The following NPAS2 variants were observed in gnomAD, a reference collection of about 807,000 sequenced individuals.
NPAS2 encodes neuronal PAS domain protein 2, also known as neuronal PAS domain-containing protein 2.
A neutral mutation model predicts 107.5 loss-of-function variants in NPAS2; 23 were observed. That is an observed-to-expected ratio of 0.21 (90% confidence interval 0.15 to 0.30). The LOEUF (loss-of-function observed/expected upper bound fraction) is 0.30, where lower values mean the gene tolerates loss of function less well. Ranked by LOEUF, NPAS2 falls within the 10% of genes least tolerant of loss-of-function variation. The probability of loss-of-function intolerance (pLI) is 1.00; values close to 1 mark genes in which losing one functional copy is unlikely to be tolerated. For missense variants in NPAS2, 756 were observed against 1,043.3 expected, an observed-to-expected ratio of 0.72 and a Z score of 3.79; for synonymous variants, 403 against 417.5, an observed-to-expected ratio of 0.97 and a Z score of 0.42.
chr2:100,942,582 T>C (rs932392935), intron 5 of NPAS2, among the ~76,000 whole-genome samples: 6 of 152,278 alleles, frequency 3.9e-5, no homozygotes, highest in Admixed American at 1.3e-4. Context: ...ATAAAACATA[T>C]GTTCAGTATT....
chr2:100,873,268 AAAAATACAT>A (rs1333688922), intron 1 of NPAS2, among the ~76,000 whole-genome samples: 82 of 99,514 alleles, frequency 8.2e-4, no homozygotes, highest in African/African-American at 4.1e-3. Flanking sequence ...AAAAAAAAAA[AAAAATACAT>A]ATATATATAT....
chr2:100,919,542 T>G (rs1326886453), intron 2 of NPAS2, among the ~76,000 whole-genome samples: 2 of 152,194 alleles, frequency 1.3e-5, no homozygotes, highest in Non-Finnish European at 2.9e-5. Context: ...TGGAGGAGCC[T>G]CACGGACCCT....
At chr2:100,932,486 A>T (rs1385152892) in intron 3 of NPAS2, among the ~76,000 whole-genome samples, 3 of 152,212 alleles carry the variant, frequency 2.0e-5, no homozygotes, top group Admixed American at 6.5e-5. Flanking sequence ...TGGAATTTTT[A>T]AAATCCCAGG....
intron 1 of NPAS2, among the ~76,000 whole-genome samples, chr2:100,846,682 ATTAG>A (rs1677800712): frequency 6.6e-6 from 1 of 152,232 alleles, no homozygotes; most frequent in Non-Finnish European, 1.5e-5. Flanking sequence ...AAAATGTCAT[ATTAG>A]TTGGTCCTTC....
chr2:100,954,033 G>C (rs181922773), intron 7 of NPAS2, among the ~76,000 whole-genome samples: 1 of 152,322 alleles, frequency 6.6e-6, no homozygotes, highest in East Asian at 1.9e-4. Flanking sequence ...GAGAAGCACC[G>C]GGGTTGGTCA....
At position 100,820,950 on chromosome 2, in the gene NPAS2, G is replaced by A. The variant is rs1249913245; in HGVS notation, c.-23+536G>A. 9 of 967,124 alleles carry A rather than the reference G, an allele frequency of 9.3e-6. No individual in the cohort carries two copies. Among genetic ancestry groups the A allele is most frequent in the Non-Finnish European group, 1.3e-5 (9 of 713,642 alleles). 59.9% of individuals were successfully genotyped at this position (967,124 alleles called of 1,614,324 possible). ...CGGAATCGGTGCCCCCAACCCCCGT[G>A]TGCGCAGACAGCGTGCAGCCTGGCT... On this transcript the variant is annotated intron_variant, in intron 1 of 20. Coordinates refer to ENST00000335681, the MANE Select transcript of NPAS2 (RefSeq NM_002518.4). The surrounding 1 kb of genome is among the most constrained non-coding windows in gnomAD (Gnocchi z 5.6).
chr2:100,897,645 C>A (rs1021451884), intron 1 of NPAS2, among the ~76,000 whole-genome samples: 16 of 152,164 alleles, frequency 1.1e-4, no homozygotes, highest in Non-Finnish European at 1.8e-4. Context: ...AGGAGGTCTT[C>A]CAAGACTCCC....
chr2:100,850,011 TAAAAAA>T (rs58359292), intron 1 of NPAS2, among the ~76,000 whole-genome samples: 1 of 56,218 alleles, frequency 1.8e-5, no homozygotes, highest in Non-Finnish European at 3.0e-5. Context: ...ACTCTTTTTG[TAAAAAA>T]AAAAAAAAAA....
intron 1 of NPAS2, among the ~76,000 whole-genome samples, chr2:100,867,129 T>C (rs1024429422): frequency 3.3e-5 from 5 of 150,586 alleles, no homozygotes; most frequent in Non-Finnish European, 5.9e-5. Context: ...AAATGGTCAA[T>C]ATTTGTTTGT....
At chr2:100,926,237 A>G (rs1471015012) in intron 3 of NPAS2, among the ~76,000 whole-genome samples, 1 of 152,176 alleles carries the variant, frequency 6.6e-6, no homozygotes, top group Non-Finnish European at 1.5e-5. Context: ...GCTGCTGTGA[A>G]CATTCATGTA....
intron 1 of NPAS2, among the ~76,000 whole-genome samples, chr2:100,851,840 G>A (rs180849706): frequency 2.0e-5 from 3 of 152,100 alleles, no homozygotes; most frequent in African/African-American, 4.8e-5. Flanking sequence ...TGGGTCTTCC[G>A]GGTTTTTGAA....
intron 1 of NPAS2, among the ~76,000 whole-genome samples, chr2:100,829,719 A>G (rs745472731): frequency 6.6e-6 from 1 of 152,184 alleles, no homozygotes; most frequent in Non-Finnish European, 1.5e-5. Flanking sequence ...GAGAGTGGGC[A>G]TCCTCATCTT....
intron 15 of NPAS2, 148 bp from the exon 16 acceptor site, chr2:100,982,083 C>G (rs1677477415): frequency 1.1e-6 from 1 of 949,940 alleles, no homozygotes; most frequent in African/African-American, 1.6e-5. Flanking sequence ...TGTTCACTGC[C>G]CAGGACCCAG....
At chr2:100,897,162 C>G (rs1410483625) in intron 1 of NPAS2, among the ~76,000 whole-genome samples, 1 of 152,122 alleles carries the variant, frequency 6.6e-6, no homozygotes, top group Admixed American at 6.5e-5. Context: ...AGGGTAACTG[C>G]CCCCATGATT....
chr2:100,911,323 A>G lies in NPAS2; in HGVS notation c.32+6537A>G, dbSNP rs573928196. Among the ~76,000 whole-genome samples the G allele has an allele frequency of 1.1e-3, 173 of 152,370 alleles. 1 individual carries two copies. In the South Asian group the frequency reaches 0.016, roughly 14 times the overall value. ...ATTGACCAACACTATCTTAGGCAAT[A>G]GATATGTCATCTGTATTCCCATTAT... On this transcript the variant is annotated intron_variant, in intron 2 of 20. Transcript: ENST00000335681.
intron 1 of NPAS2, 89 bp from the exon 2 acceptor site, chr2:100,904,644 A>G (rs1213617231): frequency 8.9e-6 from 9 of 1,014,956 alleles, no homozygotes; most frequent in Non-Finnish European, 1.3e-5. Flanking sequence ...CTAAGACCAA[A>G]ATGACAACAA....
At chr2:100,907,108 A>G (rs1284816796) in intron 2 of NPAS2, among the ~76,000 whole-genome samples, 2 of 151,958 alleles carry the variant, frequency 1.3e-5, no homozygotes, top group Non-Finnish European at 2.9e-5. Flanking sequence ...TCACCCTCCA[A>G]ACCCCTTCTA....
At chr2:100,971,262 A>T (rs1676531486) in intron 12 of NPAS2, among the ~76,000 whole-genome samples, 188 bp downstream of exon 12, 2 of 145,946 alleles carry the variant, frequency 1.4e-5, no homozygotes, top group South Asian at 4.4e-4. Flanking sequence ...TTGTGCCACC[A>T]TACTCCAGCC....
intron 1 of NPAS2, among the ~76,000 whole-genome samples, chr2:100,851,039 T>G (rs373359505): frequency 4.7e-4 from 67 of 143,584 alleles, no homozygotes; most frequent in African/African-American, 1.7e-3. Flanking sequence ...CTATGCTAAG[T>G]GAAATAAGCC....
Sources: gnomAD v4.1 joint callset for allele counts (sites outside exome capture counted in the v4.1 genomes callset) on GRCh38, gnomAD v4.1.1 for gene constraint, Gnocchi (gnomAD v3.1) non-coding constraint, MANE v1.5 for transcripts, NCBI Gene and HGNC (gene_info 2026-07-23, HGNC 2026-07-21) for gene names.